The following TACC2 variants were observed in gnomAD, a reference collection of about 807,000 sequenced individuals.
The protein encoded by TACC2 is transforming acidic coiled-coil containing protein 2, also known as transforming acidic coiled-coil-containing protein 2.
TACC2 carries 137 observed loss-of-function variants against 227.3 expected under a neutral mutation model. The ratio of observed to expected loss-of-function variants is 0.60; its 90% CI spans 0.52 to 0.69. The LOEUF (loss-of-function observed/expected upper bound fraction) is 0.69. TACC2 is among the 30% of genes least tolerant of loss of function. TACC2 has a pLI of 0.00. For missense variants in TACC2, 3,470 were observed against 3,694.4 expected, an observed-to-expected ratio of 0.94 and a Z score of 1.57; for synonymous variants, 1,523 against 1,487.5, an observed-to-expected ratio of 1.02 and a Z score of -0.55.
At chr10:122,213,224 A>G in intron 9 of TACC2, 1 of 1,002,868 alleles carries the variant, frequency 1.0e-6, no homozygotes, top group Non-Finnish European at 1.5e-6. Context: ...AAGCTGGGGC[A>G]TTGCCCTACA....
At chr10:122,030,216 T>A (rs1469485746) in intron 2 of TACC2, among the ~76,000 whole-genome samples, 1 of 152,158 alleles carries the variant, frequency 6.6e-6, no homozygotes, top group Non-Finnish European at 1.5e-5. Context: ...TGAGATGAAT[T>A]TCTACCTGAA....
At chr10:122,137,354 G>C (rs1035857593) in intron 6 of TACC2, among the ~76,000 whole-genome samples, 1 of 151,822 alleles carries the variant, frequency 6.6e-6, no homozygotes, top group Admixed American at 6.6e-5. Flanking sequence ...GTGGTGGTGC[G>C]TGCCTGTAGT....
At chr10:122,117,568 T>C (rs2084935080) in intron 5 of TACC2, among the ~76,000 whole-genome samples, 1 of 152,170 alleles carries the variant, frequency 6.6e-6, no homozygotes, top group South Asian at 2.1e-4. Flanking sequence ...ATGGGGCTCT[T>C]GTTAGGTCTG....
rs768290110 is a variant in TACC2, at chr10:122,245,518, G to A, written c.8393-3125G>A. 4.6e-5 allele frequency among the ~76,000 whole-genome samples: 7 copies of A among 152,260 alleles called. No individual in the cohort carries two copies. In the South Asian group the frequency reaches 1.5e-3, roughly 32 times the overall value. On this transcript the variant is annotated intron_variant, in intron 19 of 22. Coordinates refer to ENST00000369005, the MANE Select transcript of TACC2 (RefSeq NM_206862.4). ...CAGCCCAGAATATACACCATACAGC[G>A]TGCTGGGAACTAAGAAAGCAGCCAG... is the stretch of plus-strand genomic sequence containing the variant.
Position 122,210,274 on chromosome 10 carries a change from C to A in TACC2, c.5972-123C>A, listed in dbSNP as rs758988184. On this transcript the variant is annotated intron_variant, in intron 8 of 22. Coordinates refer to ENST00000369005, the MANE Select transcript of TACC2 (RefSeq NM_206862.4). This position sits in a 1 kb window ranked among gnomAD's most constrained non-coding sequence, Gnocchi z 4.6. ...CCCAAGTAGTACACACAGTGATGGG[C>A]GGGGTGGCCTGGGGCCGTGGTTTGT... The A allele has an allele frequency of 1.5e-5, 11 of 747,158 alleles. No homozygotes were observed. In the South Asian group the frequency reaches 1.5e-4, roughly 10 times the overall value. 46.3% of individuals were successfully genotyped at this position (747,158 alleles called of 1,614,324 possible). A position where few individuals can be genotyped will look rare whatever the true frequency, so the allele number is the denominator to read the frequency against.
intron 1 of TACC2, among the ~76,000 whole-genome samples, chr10:122,014,101 T>C (rs1008079005): frequency 3.9e-5 from 6 of 152,198 alleles, no homozygotes; most frequent in African/African-American, 1.4e-4. Context: ...TTGTCTAACA[T>C]ATCAACAAAT....
rs2092980506 is a variant in TACC2, at chr10:122,163,849, C to T, written c.5834+20143C>T. On this transcript the variant is annotated intron_variant, in intron 7 of 22. Transcript: ENST00000369005. The stretch of plus-strand genomic sequence containing the variant: ...ACCCCGGCCGCCGGCCGGCTCGCCC[C>T]GGCTCCCGGCTGCAGGAATCGCGCC... 6.7e-6 allele frequency: 10 copies of T among 1,496,576 alleles called. No homozygotes were observed. In the South Asian group the frequency reaches 7.9e-5, roughly 12 times the overall value. 92.7% of individuals were successfully genotyped at this position (1,496,576 alleles called of 1,614,324 possible). A position where few individuals can be genotyped will look rare whatever the true frequency, so the allele number is the denominator to read the frequency against.
At chr10:122,216,902 G>A (rs565114496) in intron 11 of TACC2, 74 bp downstream of exon 11, 7 of 1,611,930 alleles carry the variant, frequency 4.3e-6, no homozygotes, top group African/African-American at 2.7e-5. Context: ...CAAAGGCCAG[G>A]AGAGAAACTT....
intron 5 of TACC2, among the ~76,000 whole-genome samples, chr10:122,118,015 CTTTT>C (rs902640167): frequency 2.1e-4 from 29 of 138,554 alleles, no homozygotes; most frequent in Non-Finnish European, 3.8e-4. Context: ...TTCTCTTTTT[CTTTT>C]TTTTTTTTTT....
At chr10:121,991,062 A>G (rs959799723) in intron 1 of TACC2, among the ~76,000 whole-genome samples, 3 of 152,248 alleles carry the variant, frequency 2.0e-5, no homozygotes, top group African/African-American at 7.2e-5. Flanking sequence ...CTGGAATTAC[A>G]GGTATGAGCC....
At chr10:122,028,936 GCCTTCCCTTCCCTTCCCTTC>G (rs1169509784) in intron 2 of TACC2, among the ~76,000 whole-genome samples, 21 of 1,240 alleles carry the variant, frequency 0.017, no homozygotes, top group African/African-American at 0.046. Flanking sequence ...CCCTCCCCTC[GCCTTCCCTTCCCTTCCCTTC>G]CCTTCCCTTC....
chr10:122,089,356 C>A (rs2080463555), intron 5 of TACC2, among the ~76,000 whole-genome samples: 1 of 152,166 alleles, frequency 6.6e-6, no homozygotes, highest in Non-Finnish European at 1.5e-5. Flanking sequence ...CAAATGGGTT[C>A]AATGCTGATT....
Position 122,237,419 on chromosome 10 carries a change from G to A in TACC2, c.8152G>A (p.Val2718Ile), listed in dbSNP as rs2295878. The stretch of plus-strand genomic sequence containing the variant: ...GAGAGAGGCTGCTCACCCAACAGAC[G>A]TCTCCATCTCCAAAACAGCCTTGTA... ...AKREAAHPTD[V>I]SISKTALYSR... Residue 2718 changes from valine to isoleucine, a missense_variant, in exon 17 of 23, where the codon GTC becomes ATC. Transcript: ENST00000369005. 9.8e-3 allele frequency: 15,792 copies of A among 1,613,206 alleles called. 1,310 individuals are homozygous for A. In the East Asian group the frequency reaches 0.23, roughly 24 times the overall value.
At chr10:122,008,545 C>A (rs2135277476) in intron 1 of TACC2, among the ~76,000 whole-genome samples, 2 of 151,846 alleles carry the variant, frequency 1.3e-5, no homozygotes, top group Admixed American at 1.3e-4. Context: ...CAGGCATGAG[C>A]CACTGCGCCC....
At position 122,053,377 on chromosome 10, in the gene TACC2, AC is replaced by A. The variant is rs202218368; in HGVS notation, c.146+2834del. Among the ~76,000 whole-genome samples the A allele has an allele frequency of 7.9e-3, 1,200 of 151,192 alleles. 18 individuals are homozygous for A. Among genetic ancestry groups the A allele is most frequent in the African/African-American group, 0.027 (1,132 of 41,172 alleles). On this transcript the variant is annotated intron_variant, in intron 3 of 22. Coordinates refer to ENST00000369005, the MANE Select transcript of TACC2 (RefSeq NM_206862.4). ...AAAGACCAGCCCCCATGATTCAGTCACCCCCCCAGGTCCCTCCCGCAACACG... is the reference window on the plus strand; with the variant it reads ...AAAGACCAGCCCCCATGATTCAGTCACCCCCCAGGTCCCTCCCGCAACACG...
intron 7 of TACC2, among the ~76,000 whole-genome samples, chr10:122,177,687 C>CCA (rs757395611): frequency 6.6e-6 from 1 of 152,158 alleles, no homozygotes; most frequent in Non-Finnish European, 1.5e-5. Flanking sequence ...CCTCTGGGGC[C>CCA]ATGATCTGTG....
At chr10:122,113,604 C>T (rs1441603883) in intron 5 of TACC2, among the ~76,000 whole-genome samples, 1 of 152,188 alleles carries the variant, frequency 6.6e-6, no homozygotes, top group Non-Finnish European at 1.5e-5. Flanking sequence ...GTTGGGGTCC[C>T]GCCCTTGGGG....
chr10:122,083,411 T>C lies in TACC2; in HGVS notation c.911T>C (p.Leu304Ser). ...CCGCCTCAGTATTTAACAGATGACT[T>C]GGAATTCCTCAGGGCCTGCCATCTC... Reference protein sequence around the residue: ...EAPPQYLTDDLEFLRACHLPR... With the variant: ...EAPPQYLTDDSEFLRACHLPR... Residue 304 changes from leucine (L) to serine (S), a missense_variant, in exon 4 of 23, where the codon TTG becomes TCG. Physicochemically the swap from Leu to Ser is moderately radical, Grantham distance 145. Transcript: ENST00000369005. 1 of 1,613,738 alleles carries C rather than the reference T, an allele frequency of 6.2e-7. No homozygotes were observed.
Position 122,085,866 on chromosome 10 carries a change from G to T in TACC2, c.3366G>T (p.Glu1122Asp), listed in dbSNP as rs1441829059. 4 of 1,613,282 alleles carry T rather than the reference G, an allele frequency of 2.5e-6. No homozygotes were observed. The highest frequency in any genetic ancestry group is 3.4e-6 in the Non-Finnish European group (4 of 1,179,658). The stretch of plus-strand genomic sequence containing the variant: ...TTGCAAGTTTCCCATCAGCTGGGGA[G>T]CAAGGTGGTGAAGCCGGGGCTGCTG... The part of the protein sequence containing the change: ...KLLASFPSAG[E>D]QGGEAGAAET... The change falls in exon 4 of 23, where the codon GAG (glutamate) becomes GAT (aspartate). Residue 1122 changes from glutamate to aspartate, a missense_variant. Transcript: ENST00000369005.
Sources: allele counts gnomAD v4.1 joint callset (sites outside exome capture counted in the v4.1 genomes callset), GRCh38; gene constraint gnomAD v4.1.1; non-coding constraint Gnocchi (gnomAD v3.1); transcripts MANE v1.5; gene names NCBI Gene and HGNC (gene_info 2026-07-23, HGNC 2026-07-21).